The following GNA12 variants were observed in gnomAD, a reference collection of about 807,000 sequenced individuals.
The protein encoded by GNA12 is G protein subunit alpha 12.
GNA12 carries 9 observed loss-of-function variants against 26.0 expected under a neutral mutation model. The ratio of observed to expected loss-of-function variants is 0.35; its 90% confidence interval spans 0.21 to 0.60. The LOEUF (loss-of-function observed/expected upper bound fraction) is 0.60. Ranked by LOEUF, GNA12 falls within the 20% of genes least tolerant of loss-of-function variation. The pLI, the probability that GNA12 is intolerant of heterozygous loss-of-function variation, is 0.78. For synonymous variants in GNA12, 264 were observed against 219.6 expected, an observed-to-expected ratio of 1.20 and a Z score of -1.79; for missense variants, 405 against 525.8, an observed-to-expected ratio of 0.77 and a Z score of 2.25.
intron 1 of GNA12, among the ~76,000 whole-genome samples, chr7:2,808,044 C>G (rs1471651455): frequency 1.3e-5 from 2 of 152,276 alleles, no homozygotes; most frequent in African/African-American, 2.4e-5. Flanking sequence ...TAATGAAGTC[C>G]TGCTCTGCAG....
At chr7:2,763,191 AACAC>A (rs56384682) in intron 2 of GNA12, 352 of 222,678 alleles carry the variant, frequency 1.6e-3, no homozygotes, top group African/African-American at 2.5e-3. Flanking sequence ...AAGACACCCC[AACAC>A]ACACACACAC....
chr7:2,752,257 C>G lies in GNA12; in HGVS notation c.526-18756G>C, dbSNP rs143708369. 2.3e-3 allele frequency among the ~76,000 whole-genome samples: 353 copies of G among 152,102 alleles called. 2 individuals are homozygous for G. The highest frequency in any genetic ancestry group is 2.0e-3 in the Non-Finnish European group (133 of 67,994). ...CATGCTCAGGGCTTAAAAAAAAAGT[C>G]CTCTCTCACCAGACTAATAGAAAGA... On this transcript the variant is annotated intron_variant, in intron 2 of 3. Coordinates refer to ENST00000275364, the MANE Select transcript of GNA12 (RefSeq NM_007353.3).
intron 2 of GNA12, among the ~76,000 whole-genome samples, chr7:2,750,762 C>G (rs1357169085): frequency 1.3e-5 from 2 of 152,188 alleles, no homozygotes; most frequent in Non-Finnish European, 2.9e-5. Context: ...GACTATCGGA[C>G]AGGCATGTCC....
At chr7:2,790,094 C>G (rs1304779781) in intron 2 of GNA12, among the ~76,000 whole-genome samples, 1 of 152,176 alleles carries the variant, frequency 6.6e-6, no homozygotes, top group Non-Finnish European at 1.5e-5. Context: ...CCAGTCCCTG[C>G]CTGTGTCTGC....
rs868604128 is a variant in GNA12 at position 2,746,111 on chromosome 7, C to T, written c.526-12610G>A. 1.3e-3 allele frequency among the ~76,000 whole-genome samples: 192 copies of T among 152,216 alleles called. 1 individual carries two copies. Among genetic ancestry groups the T allele is most frequent in the African/African-American group, 3.7e-3 (154 of 41,516 alleles). Reference sequence around the variant, plus strand: ...CCACTGTCAACATTAGACAGATCAACGAGACAGAAAGTTAACAAGGATACC... The same window carrying T: ...CCACTGTCAACATTAGACAGATCAATGAGACAGAAAGTTAACAAGGATACC... On this transcript the variant is annotated intron_variant, in intron 2 of 3. Transcript: ENST00000275364.
chr7:2,813,558 C>T (rs1177570428), intron 1 of GNA12, among the ~76,000 whole-genome samples: 2 of 152,068 alleles, frequency 1.3e-5, no homozygotes, highest in Non-Finnish European at 2.9e-5. Flanking sequence ...GGGGACATTC[C>T]GGGAGAGCTC....
chr7:2,741,274 G>A (rs1008558720), intron 2 of GNA12, among the ~76,000 whole-genome samples: 4 of 152,100 alleles, frequency 2.6e-5, no homozygotes, highest in East Asian at 3.9e-4. Flanking sequence ...AGGATCACTT[G>A]AGCCCAGGAG....
intron 2 of GNA12, among the ~76,000 whole-genome samples, chr7:2,781,412 CTGTGTG>C (rs58348546): frequency 0.12 from 17,596 of 143,662 alleles, 1,140 homozygotes; most frequent in Middle Eastern, 0.18. Flanking sequence ...AAGTAAGTGT[CTGTGTG>C]TGTGTGTGTG....
intron 2 of GNA12, among the ~76,000 whole-genome samples, chr7:2,791,753 G>C (rs1233064152): frequency 6.6e-6 from 1 of 152,176 alleles, no homozygotes; most frequent in African/African-American, 2.4e-5. Flanking sequence ...CCCTGGTAAC[G>C]GTGACTTCAG....
chr7:2,834,098 C>A (rs868716486), intron 1 of GNA12, among the ~76,000 whole-genome samples: 26 of 152,236 alleles, frequency 1.7e-4, no homozygotes, highest in Non-Finnish European at 1.5e-4. Flanking sequence ...GGAGAAGACC[C>A]ACAGCTTTCA....
intron 3 of GNA12, among the ~76,000 whole-genome samples, chr7:2,732,315 G>A (rs1258271462): frequency 6.6e-6 from 1 of 152,166 alleles, no homozygotes; most frequent in Non-Finnish European, 1.5e-5. Flanking sequence ...GCTTTGGGAA[G>A]TGGGAGGAAT....
chr7:2,744,683 A>G (rs1251545025), intron 2 of GNA12, among the ~76,000 whole-genome samples: 1 of 152,210 alleles, frequency 6.6e-6, no homozygotes, highest in Non-Finnish European at 1.5e-5. Flanking sequence ...GACTTTGACG[A>G]GTTGAGAAAA....
intron 1 of GNA12, among the ~76,000 whole-genome samples, chr7:2,840,969 G>T (rs1422993265): frequency 6.6e-6 from 1 of 152,218 alleles, no homozygotes; most frequent in African/African-American, 2.4e-5. Context: ...ATTGAAAGAT[G>T]AATTTCTAAC....
chr7:2,780,044 C>CTGTATA lies in GNA12; in HGVS notation c.525+14883_525+14884insTATACA, dbSNP rs56889248. ...CCACGTACTAGTTTTTTACACATTT[C>CTGTATA]TGTGTACATATATATATATATATAT... On this transcript the variant is annotated intron_variant, in intron 2 of 3. Transcript: ENST00000275364. 5.2e-3 allele frequency among the ~76,000 whole-genome samples: 414 copies of CTGTATA among 79,516 alleles called. 19 individuals carry two copies. Among genetic ancestry groups the CTGTATA allele is most frequent in the Admixed American group, 0.013 (81 of 6,362 alleles). The allele number at this position is 79,516 out of a possible 152,430, so 52.2% of individuals were successfully genotyped here.
intron 2 of GNA12, among the ~76,000 whole-genome samples, chr7:2,769,578 A>G (rs1038707709): frequency 4.6e-5 from 7 of 151,970 alleles, no homozygotes; most frequent in African/African-American, 1.7e-4. Flanking sequence ...AAAAAAATAC[A>G]AAAAATTAGC....
At position 2,730,325 on chromosome 7, in the gene GNA12, G is replaced by C. The variant is rs1789822286; in HGVS notation, c.*856C>G. The stretch of plus-strand genomic sequence containing the variant: ...CCTGGTTTCTGTGTCTTTGCCGTTG[G>C]GTTGGGCAGTGGGTGGCTAAGGGGA... On this transcript the variant is annotated 3_prime_UTR_variant, in exon 4 of 4. Coordinates refer to ENST00000275364, the MANE Select transcript of GNA12 (RefSeq NM_007353.3). 1 of 152,498 alleles carries C rather than the reference G, an allele frequency of 6.6e-6. No homozygotes were observed. Among genetic ancestry groups the C allele is most frequent in the Non-Finnish European group, 1.5e-5 (1 of 68,172 alleles). The allele number at this position is 152,498 out of a possible 1,614,324, so 9.4% of individuals were successfully genotyped here.
rs1047444685 is a variant in GNA12, at chr7:2,806,790, T to C, written c.310-11647A>G. Reference sequence around the variant, plus strand: ...CATGCTAAGATTGAGGTAATCCCTATGGCTGGACATCGGAATTCTTTCCAG... The same window carrying C: ...CATGCTAAGATTGAGGTAATCCCTACGGCTGGACATCGGAATTCTTTCCAG... On this transcript the variant is annotated intron_variant, in intron 1 of 3. Transcript: ENST00000275364. 7.2e-5 allele frequency among the ~76,000 whole-genome samples: 11 copies of C among 152,218 alleles called. No individual in the cohort carries two copies. In the South Asian group the frequency reaches 1.7e-3, roughly 23 times the overall value.
At chr7:2,810,787 A>T (rs578150841) in intron 1 of GNA12, among the ~76,000 whole-genome samples, 14 of 152,288 alleles carry the variant, frequency 9.2e-5, no homozygotes, top group African/African-American at 3.4e-4. Context: ...GATCCCAGCT[A>T]CGTGGGAGGT....
At chr7:2,804,089 T>C (rs1383708888) in intron 1 of GNA12, among the ~76,000 whole-genome samples, 2 of 152,198 alleles carry the variant, frequency 1.3e-5, no homozygotes, top group African/African-American at 4.8e-5. Flanking sequence ...GAAATCGTCC[T>C]CTTAAGTACA....
Sources: gnomAD v4.1 joint callset for allele counts (sites outside exome capture counted in the v4.1 genomes callset) on GRCh38, gnomAD v4.1.1 for gene constraint, MANE v1.5 for transcripts, NCBI Gene and HGNC (gene_info 2026-07-23, HGNC 2026-07-21) for gene names.